Variants in ETV3 observed in about 807,000 individuals in gnomAD.
ETV3 encodes ETS translocation variant 3.
In ETV3, 8 loss-of-function variants were observed where a neutral mutation model predicts 33.0. That is an observed-to-expected ratio of 0.24 (90% CI 0.14 to 0.44). ETV3 has a LOEUF of 0.44. Among genes scored for constraint, ETV3 ranks in the 20% least tolerant of loss-of-function variants. The pLI, the probability that ETV3 is intolerant of heterozygous loss-of-function variation, is 1.00. For synonymous variants in ETV3, 222 were observed against 238.9 expected, an observed-to-expected ratio of 0.93 and a Z score of 0.65; for missense variants, 473 against 652.3, an observed-to-expected ratio of 0.73 and a Z score of 2.99.
Position 157,124,752 on chromosome 1 carries a change from A to ACGGGGGG in ETV3, c.*88_*89insCCCCCCG. ...CCCCTAGAATGATCAAACCAGTTTA[A>ACGGGGGG]CTCCCTCCCCCCCACCCTGAAATCT... is the stretch of plus-strand genomic sequence containing the variant. On this transcript the variant is annotated 3_prime_UTR_variant, in exon 5 of 5. Coordinates refer to ENST00000368192, the MANE Select transcript of ETV3 (RefSeq NM_001145312.3). 2.1e-6 allele frequency: 1 copy of ACGGGGGG among 467,808 alleles called. No individual in the cohort carries two copies. The highest frequency in any genetic ancestry group is 3.9e-5 in the East Asian group (1 of 25,450). The allele number at this position is 467,808 out of a possible 1,614,324, so 29.0% of individuals were successfully genotyped here.
chr1:157,127,542 C>CTT (rs779661847), intron 4 of ETV3, among the ~76,000 whole-genome samples: 25 of 133,536 alleles, frequency 1.9e-4, no homozygotes, highest in East Asian at 8.6e-4. Context: ...CTTATGTCAA[C>CTT]TTTTTTTTTT....
In ETV3 at chr1:157,124,969, G is replaced by C; in HGVS notation, c.1411C>G (p.Pro471Ala). The C allele has an allele frequency of 6.4e-7, 1 of 1,551,836 alleles. No individual in the cohort carries two copies. The highest frequency in any genetic ancestry group is 8.7e-7 in the Non-Finnish European group (1 of 1,147,030). Residue 471 changes from proline (P) to alanine (A), a missense_variant, in exon 5 of 5, where the codon CCC becomes GCC. Coordinates refer to ENST00000368192, the MANE Select transcript of ETV3 (RefSeq NM_001145312.3). ...CGCCGCTTCAACCGAAGCTTGGGGG[G>C]CATCAGTGCATCTTCTTTCTTCTCA... Reference protein sequence around the residue: ...APEKKEDALMPPKLRLKRRWN... With the variant: ...APEKKEDALMAPKLRLKRRWN...
At position 157,125,671 on chromosome 1, in the gene ETV3, G is replaced by A; in HGVS notation, c.709C>T (p.Pro237Ser). ...CTGTGGGGGTCAGGGTACATCCCTG[G>A]CCTAGCAAACAGAGGAAGCATTATG... Reference protein sequence around the residue: ...PDIMLPLFARPGMYPDPHSPF... With the variant: ...PDIMLPLFARSGMYPDPHSPF... The change falls in exon 5 of 5, where the codon CCA becomes TCA. Residue 237 changes from proline to serine, a missense_variant. Pro to Ser is a moderately conservative substitution (Grantham distance 74). Coordinates refer to ENST00000368192, the MANE Select transcript of ETV3 (RefSeq NM_001145312.3). The surrounding 1 kb of genome is among the most constrained non-coding windows in gnomAD (Gnocchi z 4.0). 6.4e-7 allele frequency: 1 copy of A among 1,551,648 alleles called. No homozygotes were observed. Among genetic ancestry groups the A allele is most frequent in the Non-Finnish European group, 8.7e-7 (1 of 1,146,968 alleles).
intron 4 of ETV3, 93 bp downstream of exon 4, chr1:157,134,019 A>G: frequency 6.5e-7 from 1 of 1,540,904 alleles, no homozygotes; most frequent in South Asian, 1.3e-5. Context: ...GTGTTTCTAA[A>G]ATCTTCCTAA....
chr1:157,124,754 T>TTCCCC lies in ETV3; in HGVS notation c.*86_*87insGGGGA. The TTCCCC allele has an allele frequency of 6.1e-6, 2 of 328,824 alleles. No homozygotes were observed. Among genetic ancestry groups the TTCCCC allele is most frequent in the East Asian group, 1.3e-4 (2 of 15,230 alleles). 20.4% of individuals were successfully genotyped at this position (328,824 alleles called of 1,614,324 possible). ...CCTAGAATGATCAAACCAGTTTAAC[T>TTCCCC]CCCTCCCCCCCACCCTGAAATCTTG... On this transcript the variant is annotated 3_prime_UTR_variant, in exon 5 of 5. Coordinates refer to ENST00000368192, the MANE Select transcript of ETV3 (RefSeq NM_001145312.3).
At position 157,125,650 on chromosome 1, in the gene ETV3, G is replaced by A. The variant is rs752505369; in HGVS notation, c.730C>T (p.His244Tyr). 2 of 1,551,672 alleles carry A rather than the reference G, an allele frequency of 1.3e-6. No individual in the cohort carries two copies. The highest frequency in any genetic ancestry group is 2.4e-5 in the South Asian group (2 of 84,058). ...FARPGMYPDP[H>Y]SPFAVSPIPG... ...ATTGGAGAGACAGCGAAGGGACTGT[G>A]GGGGTCAGGGTACATCCCTGGCCTA... Residue 244 changes from histidine to tyrosine, a missense_variant, in exon 5 of 5, where the codon CAC becomes TAC. By Grantham distance (83) the His-to-Tyr change is moderately conservative. This residue lies in a region of ETV3 where 410 missense variants were observed against 520.2 expected (regional missense o/e 0.79). Transcript: ENST00000368192. This position sits in a 1 kb window ranked among gnomAD's most constrained non-coding sequence, Gnocchi z 4.0.
At chr1:157,134,898 T>C (rs1057329651) in intron 3 of ETV3, among the ~76,000 whole-genome samples, 1 of 152,190 alleles carries the variant, frequency 6.6e-6, no homozygotes, top group Non-Finnish European at 1.5e-5. Flanking sequence ...TTCTAGCCCC[T>C]TGAGGGCTAA....
chr1:157,126,021 C>A, intron 4 of ETV3, 42 bp from the exon 5 acceptor site: 2 of 1,466,018 alleles, frequency 1.4e-6, no homozygotes, highest in South Asian at 1.4e-5. Context: ...CAGAGGACTG[C>A]TCATTCATTA....
intron 1 of ETV3, 93 bp from the exon 2 acceptor site, chr1:157,136,458 C>T: frequency 8.7e-7 from 1 of 1,150,922 alleles, no homozygotes; most frequent in Non-Finnish European, 1.2e-6. Context: ...AACTTCCTTT[C>T]CCCTGTTCTT....
intron 4 of ETV3, chr1:157,133,600 T>G: frequency 2.0e-6 from 2 of 986,766 alleles, no homozygotes; most frequent in South Asian, 9.4e-5. Context: ...TCTGAGGATT[T>G]GCTGTTGCAG....
chr1:157,126,685 T>C (rs976899696), intron 4 of ETV3, among the ~76,000 whole-genome samples: 1 of 152,166 alleles, frequency 6.6e-6, no homozygotes, highest in African/African-American at 2.4e-5. Context: ...CCTGGCTGAC[T>C]GTAGGGAGGG....
Position 157,122,991 on chromosome 1 carries a change from C to T in ETV3, c.*1850G>A, listed in dbSNP as rs2103196356. 1 of 152,340 alleles carries T rather than the reference C, an allele frequency of 6.6e-6. No homozygotes were observed. Among genetic ancestry groups the T allele is most frequent in the South Asian group, 2.1e-4 (1 of 4,824 alleles). 9.4% of individuals were successfully genotyped at this position (152,340 alleles called of 1,614,324 possible). A position where few individuals can be genotyped will look rare whatever the true frequency, so the allele number is the denominator to read the frequency against. The stretch of plus-strand genomic sequence containing the variant: ...CCATCTACTGTCTCCCTCACCTGCC[C>T]TAACCTTTTCTGAGTCCCTCCCTCT... On this transcript the variant is annotated 3_prime_UTR_variant, in exon 5 of 5. Transcript: ENST00000368192.
In ETV3 at chr1:157,128,032, G is replaced by GA. The variant is rs1316521059; in HGVS notation, c.401-2054dup. ...AAGAACAAAGGAGAAGAAAAAAATA[G>GA]AAAAAAACAAAATTTTAAGTATAGT... On this transcript the variant is annotated intron_variant, in intron 4 of 4. Coordinates refer to ENST00000368192, the MANE Select transcript of ETV3 (RefSeq NM_001145312.3). 2.6e-5 allele frequency among the ~76,000 whole-genome samples: 4 copies of GA among 151,992 alleles called. No homozygotes were observed. In the South Asian group the frequency reaches 6.2e-4, roughly 24 times the overall value.
At chr1:157,132,747 C>CT (rs67621779) in intron 4 of ETV3, among the ~76,000 whole-genome samples, 247 of 142,712 alleles carry the variant, frequency 1.7e-3, no homozygotes, top group African/African-American at 2.6e-3. Flanking sequence ...TCCAATACCA[C>CT]TTTTTTTTTT....
At chr1:157,135,163 T>C (rs371175883) in intron 3 of ETV3, 13 of 475,768 alleles carry the variant, frequency 2.7e-5, no homozygotes, top group South Asian at 1.6e-4. Context: ...CTTTGGATTA[T>C]AAATGAACTC....
intron 3 of ETV3, 84 bp from the exon 4 acceptor site, chr1:157,134,311 T>C: frequency 6.6e-7 from 1 of 1,523,158 alleles, no homozygotes; most frequent in Non-Finnish European, 8.8e-7. Flanking sequence ...AGACCAACAA[T>C]TCTTGCTCTG....
chr1:157,129,246 A>G (rs550884961), intron 4 of ETV3, among the ~76,000 whole-genome samples: 1 of 152,376 alleles, frequency 6.6e-6, no homozygotes, highest in Admixed American at 6.5e-5. Flanking sequence ...TTTATGTGTA[A>G]TATCAAATAA....
In ETV3 at chr1:157,132,821, T is replaced by C. The variant is rs1403810682; in HGVS notation, c.400+1291A>G. 2.0e-5 allele frequency among the ~76,000 whole-genome samples: 3 copies of C among 151,756 alleles called. No homozygotes were observed. In the East Asian group the frequency reaches 5.8e-4, roughly 29 times the overall value. ...TACAGAAGTTGAGATGAAACTGTAA[T>C]GATAGCAGAGTCAAGCTAAAACTGC... On this transcript the variant is annotated intron_variant, in intron 4 of 4. Coordinates refer to ENST00000368192, the MANE Select transcript of ETV3 (RefSeq NM_001145312.3).
intron 2 of ETV3, 133 bp from the exon 3 acceptor site, chr1:157,135,841 G>A (rs151319403): frequency 2.3e-6 from 2 of 860,850 alleles, no homozygotes; most frequent in African/African-American, 1.7e-5. Flanking sequence ...TCAGTCAGCT[G>A]GGCCTAACCA....
Sources: gnomAD v4.1 joint callset for allele counts (sites outside exome capture counted in the v4.1 genomes callset) on GRCh38, gnomAD v4.1.1 for gene constraint, gnomAD v4.1.1 regional missense constraint, Gnocchi (gnomAD v3.1) non-coding constraint, MANE v1.5 for transcripts, NCBI Gene and HGNC (gene_info 2026-07-23, HGNC 2026-07-21) for gene names.